CADM2: variants seen among roughly 807,000 people sequenced by gnomAD.
The protein encoded by CADM2 is cell adhesion molecule 2, also known as immunoglobulin superfamily member 4D.
Under a neutral mutation model 49.8 loss-of-function variants are expected in CADM2, and 12 were observed. The observed-to-expected ratio is 0.24, with a 90% CI of 0.15 to 0.39. The LOEUF is 0.39. CADM2 is among the 10% of genes least tolerant of loss of function. The pLI is 1.00. For missense variants in CADM2, 378 were observed against 492.3 expected, an observed-to-expected ratio of 0.77 and a Z score of 2.20; for synonymous variants, 214 against 175.4, an observed-to-expected ratio of 1.22 and a Z score of -1.74.
intron 1 of CADM2, among the ~76,000 whole-genome samples, chr3:84,964,844 ATCTCT>A (rs1210703457): frequency 6.6e-6 from 1 of 152,154 alleles, no homozygotes; most frequent in East Asian, 1.9e-4. Context: ...GGATTAAATG[ATCTCT>A]TCTTTTCATA....
intron 1 of CADM2, among the ~76,000 whole-genome samples, chr3:85,616,100 T>C (rs1315461620): frequency 6.6e-6 from 1 of 151,924 alleles, no homozygotes; most frequent in Non-Finnish European, 1.5e-5. Flanking sequence ...TAAGCTGTGA[T>C]TGTCGGGCAT....
At chr3:85,715,949 A>T (rs1274388714) in intron 1 of CADM2, among the ~76,000 whole-genome samples, 1 of 152,250 alleles carries the variant, frequency 6.6e-6, no homozygotes, top group African/African-American at 2.4e-5. Context: ...TATTGTGAAT[A>T]GTGCTGCAAT....
At chr3:85,402,406 T>A (rs930271653) in intron 1 of CADM2, among the ~76,000 whole-genome samples, 3 of 152,130 alleles carry the variant, frequency 2.0e-5, no homozygotes, top group Non-Finnish European at 4.4e-5. Context: ...ACTCAGTAAG[T>A]TTGCTCACAT....
rs1240828304 is a variant in CADM2 at position 85,361,917 on chromosome 3, A to G, written c.62-364605A>G. Among the ~76,000 whole-genome samples the G allele has an allele frequency of 3.3e-5, 5 of 152,218 alleles. No homozygotes were observed. The East Asian group carries it at 9.6e-4, about 29-fold the overall frequency. On this transcript the variant is annotated intron_variant, in intron 1 of 9. Transcript: ENST00000383699. ...ACCACATGACTTAAGGAAGCAAGAC[A>G]TATGTATTGTATTTCAAAGGAAGCT...
intron 8 of CADM2, chr3:86,013,237 A>G: frequency 6.9e-7 from 1 of 1,448,052 alleles, no homozygotes; most frequent in Admixed American, 1.8e-5. Flanking sequence ...ACATAAACCA[A>G]CAATAGCAAT....
chr3:85,784,864 A>G (rs985824226), intron 2 of CADM2, among the ~76,000 whole-genome samples: 1 of 152,140 alleles, frequency 6.6e-6, no homozygotes, highest in African/African-American at 2.4e-5. Context: ...TAGAATTGGC[A>G]TTAGTTCTTT....
intron 3 of CADM2, among the ~76,000 whole-genome samples, chr3:85,858,237 G>T (rs1036769307): frequency 6.6e-6 from 1 of 152,172 alleles, no homozygotes; most frequent in Non-Finnish European, 1.5e-5. Flanking sequence ...TCTGTGACTT[G>T]ATATCACATT....
chr3:85,491,517 A>C (rs2039672035), intron 1 of CADM2, among the ~76,000 whole-genome samples: 1 of 152,182 alleles, frequency 6.6e-6, no homozygotes, highest in Admixed American at 6.6e-5. Context: ...TATATGACAT[A>C]AATAACTGTT....
chr3:85,761,367 C>CTTTTT (rs529447125), intron 2 of CADM2, among the ~76,000 whole-genome samples: 17 of 101,082 alleles, frequency 1.7e-4, no homozygotes, highest in African/African-American at 4.8e-4. Context: ...CAACACAAAA[C>CTTTTT]TTTTTTTTTT....
chr3:85,556,934 G>T (rs1455090598), intron 1 of CADM2, among the ~76,000 whole-genome samples: 1 of 152,032 alleles, frequency 6.6e-6, no homozygotes, highest in East Asian at 1.9e-4. Context: ...GAACAAATTT[G>T]AAAAGTATTC....
intron 1 of CADM2, among the ~76,000 whole-genome samples, chr3:85,491,820 C>T (rs1179632078): frequency 2.6e-5 from 4 of 151,922 alleles, no homozygotes; most frequent in Non-Finnish European, 4.4e-5. Context: ...GGTGTGGTGG[C>T]AGGTGCCTGT....
chr3:85,394,001 T>C (rs1404002811), intron 1 of CADM2, among the ~76,000 whole-genome samples: 1 of 152,032 alleles, frequency 6.6e-6, no homozygotes, highest in Non-Finnish European at 1.5e-5. Context: ...AGAGACGGGG[T>C]AGCCAGGAAG....
intron 1 of CADM2, among the ~76,000 whole-genome samples, chr3:85,243,612 A>C (rs1351431194): frequency 6.6e-6 from 1 of 152,104 alleles, no homozygotes; most frequent in Admixed American, 6.6e-5. Flanking sequence ...TGAAAGAGGC[A>C]GAGTGCTCAT....
intron 1 of CADM2, among the ~76,000 whole-genome samples, chr3:85,337,077 C>T (rs1378222922): frequency 1.4e-5 from 2 of 140,642 alleles, no homozygotes; most frequent in African/African-American, 5.3e-5. Flanking sequence ...CAAAGTTGAC[C>T]ATTTAAGGGA....
At chr3:85,944,893 C>T (rs1722453867) in intron 7 of CADM2, among the ~76,000 whole-genome samples, 1 of 151,920 alleles carries the variant, frequency 6.6e-6, no homozygotes, top group Non-Finnish European at 1.5e-5. Flanking sequence ...CAAACACATT[C>T]AAAAGCTAGC....
chr3:85,947,798 A>C (rs1722925590), intron 7 of CADM2, among the ~76,000 whole-genome samples: 1 of 151,510 alleles, frequency 6.6e-6, no homozygotes, highest in Admixed American at 6.6e-5. Flanking sequence ...TGTGTTGGGC[A>C]CTCAATCATT....
intron 1 of CADM2, among the ~76,000 whole-genome samples, chr3:85,185,985 A>C (rs2107713472): frequency 6.6e-6 from 1 of 152,350 alleles, no homozygotes; most frequent in African/African-American, 2.4e-5. Flanking sequence ...TCTATCTAGC[A>C]TTAGAGTGCC....
At chr3:85,134,211 G>A (rs1559681516) in intron 1 of CADM2, among the ~76,000 whole-genome samples, 1 of 152,324 alleles carries the variant, frequency 6.6e-6, no homozygotes, top group South Asian at 2.1e-4. Flanking sequence ...CGCAAGCGCC[G>A]CGCGCAGCCC....
intron 1 of CADM2, among the ~76,000 whole-genome samples, chr3:85,386,540 C>T (rs921898193): frequency 6.6e-6 from 1 of 152,106 alleles, no homozygotes; most frequent in African/African-American, 2.4e-5. Flanking sequence ...ATGCTTGCTC[C>T]AGCTAGAATA....
Sources: gnomAD v4.1 joint callset for allele counts (sites outside exome capture counted in the v4.1 genomes callset) on GRCh38, gnomAD v4.1.1 for gene constraint, MANE v1.5 for transcripts, NCBI Gene and HGNC (gene_info 2026-07-23, HGNC 2026-07-21) for gene names.